WDR7: variants seen among roughly 807,000 people sequenced by gnomAD.
The protein encoded by WDR7 is WD repeat domain 7, also known as WD repeat-containing protein 7.
A neutral mutation model predicts 169.4 loss-of-function variants in WDR7; 46 were observed. The ratio of observed to expected loss-of-function variants is 0.27; its 90% CI spans 0.21 to 0.35. The LOEUF is 0.35. Among genes scored for constraint, WDR7 ranks in the 10% least tolerant of loss-of-function variants. WDR7 has a pLI of 1.00. For missense variants in WDR7, 1,534 were observed against 1,859.3 expected (o/e 0.83, Z 3.22); for synonymous variants, 612 against 666.8 (o/e 0.92, Z 1.27).
chr18:56,814,191 A>G lies in WDR7; in HGVS notation c.3191-1840A>G, dbSNP rs147876950. Among the ~76,000 whole-genome samples, 10 of 152,344 alleles carry G rather than the reference A, an allele frequency of 6.6e-5. No homozygotes were observed. The East Asian group carries it at 1.9e-3, about 29-fold the overall frequency. On this transcript the variant is annotated intron_variant, in intron 19 of 27. Coordinates refer to ENST00000254442, the MANE Select transcript of WDR7 (RefSeq NM_015285.3). Reference sequence around the variant, plus strand: ...AAATGAGATAAATGTAAATGGATCCATAAACTTGTTACTACATAAATGCCA... The same window carrying G: ...AAATGAGATAAATGTAAATGGATCCGTAAACTTGTTACTACATAAATGCCA...
intron 20 of WDR7, among the ~76,000 whole-genome samples, chr18:56,839,054 A>G (rs1236753588): frequency 6.6e-6 from 1 of 152,172 alleles, no homozygotes; most frequent in Non-Finnish European, 1.5e-5. Context: ...TATGCTCTAT[A>G]CTTGTGTGTT....
intron 26 of WDR7, among the ~76,000 whole-genome samples, chr18:56,987,459 G>T (rs2047740823): frequency 6.6e-6 from 1 of 152,030 alleles, no homozygotes; most frequent in East Asian, 1.9e-4. Flanking sequence ...GCTAAAATAA[G>T]ACTCCATCTT....
intron 26 of WDR7, among the ~76,000 whole-genome samples, chr18:57,018,636 GA>G (rs964865145): frequency 2.6e-5 from 4 of 152,290 alleles, no homozygotes; most frequent in East Asian, 1.9e-4. Flanking sequence ...AAGATGGGCT[GA>G]AAAAATTTGT....
chr18:56,724,432 G>A (rs1028852677), intron 13 of WDR7, among the ~76,000 whole-genome samples: 7 of 151,754 alleles, frequency 4.6e-5, no homozygotes, highest in South Asian at 4.2e-4. Context: ...GGTTGGTCTC[G>A]AGCTCCTGAC....
intron 27 of WDR7, among the ~76,000 whole-genome samples, chr18:57,023,826 G>A (rs2048322626): frequency 6.6e-6 from 1 of 152,084 alleles, no homozygotes; most frequent in South Asian, 2.1e-4. Flanking sequence ...TCCTTTTTCA[G>A]AAATGCTGAT....
chr18:56,962,191 A>C (rs1176542483), intron 25 of WDR7, among the ~76,000 whole-genome samples: 2 of 152,046 alleles, frequency 1.3e-5, no homozygotes, highest in African/African-American at 4.8e-5. Context: ...GTTTCTGTTG[A>C]AAATAATTAT....
At chr18:56,824,161 G>A (rs867380077) in intron 20 of WDR7, among the ~76,000 whole-genome samples, 5 of 152,240 alleles carry the variant, frequency 3.3e-5, no homozygotes, top group South Asian at 2.1e-4. Context: ...CTTTGCATGT[G>A]CCCCTCCATC....
In WDR7 at chr18:56,913,159, C is replaced by T. The variant is rs561344671; in HGVS notation, c.3527-10763C>T. On this transcript the variant is annotated intron_variant, in intron 21 of 27. Coordinates refer to ENST00000254442, the MANE Select transcript of WDR7 (RefSeq NM_015285.3). ...GAAGTGCTGGGATTACAAGCATGAG[C>T]CACTGTGTCCAACCTAATTTTAATT... Among the ~76,000 whole-genome samples, 33 of 152,260 alleles carry T rather than the reference C, an allele frequency of 2.2e-4. No homozygotes were observed. In the South Asian group the frequency reaches 6.6e-3, roughly 31 times the overall value.
chr18:56,794,260 T>A (rs2044541515), intron 19 of WDR7, among the ~76,000 whole-genome samples: 2 of 150,208 alleles, frequency 1.3e-5, no homozygotes, highest in South Asian at 4.2e-4. Flanking sequence ...TCAAATGCAA[T>A]ATTGCCTTAT....
chr18:56,978,131 C>T (rs1478236303), intron 26 of WDR7, among the ~76,000 whole-genome samples: 1 of 152,192 alleles, frequency 6.6e-6, no homozygotes, highest in Non-Finnish European at 1.5e-5. Flanking sequence ...ATGCAAAATA[C>T]AGGCATGTGG....
chr18:56,952,252 AC>A (rs2047193918), intron 25 of WDR7, among the ~76,000 whole-genome samples: 1 of 152,204 alleles, frequency 6.6e-6, no homozygotes, highest in African/African-American at 2.4e-5. Context: ...CCTTTGCCAC[AC>A]CCAGCTGTGC....
At chr18:56,915,918 C>T (rs2046617868) in intron 21 of WDR7, among the ~76,000 whole-genome samples, 1 of 152,176 alleles carries the variant, frequency 6.6e-6, no homozygotes, top group African/African-American at 2.4e-5. Flanking sequence ...GGAGTTCTCC[C>T]CTCCTCCTTT....
At chr18:56,845,033 T>A (rs576374167) in intron 20 of WDR7, among the ~76,000 whole-genome samples, 43 of 152,246 alleles carry the variant, frequency 2.8e-4, no homozygotes, top group African/African-American at 1.0e-3. Context: ...ATATATAGGA[T>A]TTGGTGCTAT....
chr18:57,027,321 T>C lies in WDR7; in HGVS notation c.*114T>C. 7.6e-7 allele frequency: 1 copy of C among 1,322,806 alleles called. No homozygotes were observed. The highest frequency in any genetic ancestry group is 1.0e-6 in the Non-Finnish European group (1 of 978,306). The allele number at this position is 1,322,806 out of a possible 1,614,324, so 81.9% of individuals were successfully genotyped here. ...CAGGGGCCTGCCCACCCCAGTGCCATCCAGTGGCACGGCCGGGTCTTGTCA... is the reference window on the plus strand; with the variant it reads ...CAGGGGCCTGCCCACCCCAGTGCCACCCAGTGGCACGGCCGGGTCTTGTCA... On this transcript the variant is annotated 3_prime_UTR_variant, in exon 28 of 28. Coordinates refer to ENST00000254442, the MANE Select transcript of WDR7 (RefSeq NM_015285.3).
rs62098608 is a variant in WDR7 at position 56,975,779 on chromosome 18, G to A, written c.4164+13250G>A. Among the ~76,000 whole-genome samples, 283 of 152,310 alleles carry A rather than the reference G, an allele frequency of 1.9e-3. 2 individuals are homozygous for A. The highest frequency in any genetic ancestry group is 3.5e-3 in the Non-Finnish European group (241 of 68,024). ...TGTGGCACACCGGAGGGCACATGCT[G>A]TATGGAGAGGAATCAGATGTGCCTC... On this transcript the variant is annotated intron_variant, in intron 26 of 27. Transcript: ENST00000254442.
intron 21 of WDR7, among the ~76,000 whole-genome samples, chr18:56,904,935 A>C (rs1046838788): frequency 5.3e-5 from 8 of 152,176 alleles, no homozygotes. Flanking sequence ...TTCTCCAGGC[A>C]AAAAATTGAC....
chr18:56,797,781 A>G (rs1418110148), intron 19 of WDR7, among the ~76,000 whole-genome samples: 1 of 152,188 alleles, frequency 6.6e-6, no homozygotes, highest in Non-Finnish European at 1.5e-5. Flanking sequence ...TAAAACTTAA[A>G]CGTAACATTA....
chr18:56,904,285 G>T (rs2046446764), intron 21 of WDR7, among the ~76,000 whole-genome samples: 1 of 151,970 alleles, frequency 6.6e-6, no homozygotes, highest in Admixed American at 6.6e-5. Flanking sequence ...AGCCAGGCTG[G>T]TCTCTAACTC....
intron 21 of WDR7, among the ~76,000 whole-genome samples, chr18:56,899,562 AC>A (rs2046373376): frequency 6.6e-6 from 1 of 151,974 alleles, no homozygotes. Context: ...CTTTTGTTTT[AC>A]CTTTTCAGAG....
Sources: allele counts gnomAD v4.1 joint callset (sites outside exome capture counted in the v4.1 genomes callset), GRCh38; gene constraint gnomAD v4.1.1; transcripts MANE v1.5; gene names NCBI Gene and HGNC (gene_info 2026-07-23, HGNC 2026-07-21).